CLINT1: variants seen among roughly 807,000 people sequenced by gnomAD.
The protein encoded by CLINT1 is clathrin interactor 1, also known as clathrin interacting protein localized in the trans-Golgi region.
In CLINT1, 15 loss-of-function variants were observed where a neutral mutation model predicts 70.4. That is an observed-to-expected ratio of 0.21 (90% CI 0.14 to 0.33). The LOEUF (loss-of-function observed/expected upper bound fraction) is 0.33. Ranked by LOEUF, CLINT1 falls within the 10% of genes least tolerant of loss-of-function variation. The pLI, the probability that CLINT1 is intolerant of heterozygous loss-of-function variation, is 1.00. For synonymous variants in CLINT1, 227 were observed against 254.7 expected, an observed-to-expected ratio of 0.89 and a Z score of 1.04; for missense variants, 615 against 778.1, an observed-to-expected ratio of 0.79 and a Z score of 2.49.
chr5:157,794,161 T>TA (rs1194544963), intron 9 of CLINT1, among the ~76,000 whole-genome samples: 6 of 152,160 alleles, frequency 3.9e-5, no homozygotes, highest in Admixed American at 3.3e-4. Context: ...TACATACCTC[T>TA]ATAGACACTA....
At chr5:157,815,311 C>T (rs1166462027) in intron 3 of CLINT1, among the ~76,000 whole-genome samples, 2 of 152,002 alleles carry the variant, frequency 1.3e-5, no homozygotes, top group Non-Finnish European at 2.9e-5. Context: ...AACAAACAAA[C>T]AACAACCAAC....
chr5:157,835,254 C>T (rs897893007), intron 1 of CLINT1, among the ~76,000 whole-genome samples: 4 of 152,050 alleles, frequency 2.6e-5, no homozygotes, highest in African/African-American at 7.2e-5. Context: ...GAAAAAAATG[C>T]GTGTGAGATA....
At chr5:157,818,465 T>C (rs143409432) in intron 1 of CLINT1, among the ~76,000 whole-genome samples, 2,865 of 121,542 alleles carry the variant, frequency 0.024, 104 homozygotes, top group African/African-American at 0.083. Context: ...AGACCTGGTC[T>C]CTAAAAAAAA....
intron 1 of CLINT1, among the ~76,000 whole-genome samples, chr5:157,857,809 C>CT (rs1212452110): frequency 1.3e-5 from 2 of 152,192 alleles, no homozygotes; most frequent in Admixed American, 6.5e-5. Flanking sequence ...TGGTCAAGCT[C>CT]TAAGTTCTAT....
At chr5:157,810,904 C>A (rs1762535684) in intron 5 of CLINT1, among the ~76,000 whole-genome samples, 1 of 152,024 alleles carries the variant, frequency 6.6e-6, no homozygotes, top group African/African-American at 2.4e-5. Context: ...TGCTGAATTG[C>A]CTCCTAAAAT....
intron 9 of CLINT1, among the ~76,000 whole-genome samples, chr5:157,793,496 A>G (rs1238548241): frequency 6.6e-6 from 1 of 152,190 alleles, no homozygotes; most frequent in Non-Finnish European, 1.5e-5. Flanking sequence ...CCCCTGCGTA[A>G]GGTGGTCAGG....
chr5:157,793,642 G>GT (rs1034195890), intron 9 of CLINT1, among the ~76,000 whole-genome samples: 2 of 152,060 alleles, frequency 1.3e-5, no homozygotes, highest in Non-Finnish European at 2.9e-5. Context: ...TAAAATAAGG[G>GT]TAACGTTTAC....
In CLINT1 at chr5:157,792,138, T is replaced by C. The variant is rs143091139; in HGVS notation, c.1088-143A>G. On this transcript the variant is annotated intron_variant, in intron 9 of 11. Coordinates refer to ENST00000411809, the MANE Select transcript of CLINT1 (RefSeq NM_014666.4). ...GGTACCATCTCCATCTGGACAGTAT[T>C]CTTTCTCATAAATATTACACGAGAG... The C allele has an allele frequency of 2.8e-5, 19 of 679,806 alleles. No homozygotes were observed. The East Asian group carries it at 4.3e-4, about 15-fold the overall frequency. The allele number at this position is 679,806 out of a possible 1,614,324, so 42.1% of individuals were successfully genotyped here. A position where few individuals can be genotyped will look rare whatever the true frequency, so the allele number is the denominator to read the frequency against.
At chr5:157,840,638 A>G (rs1163537440) in intron 1 of CLINT1, among the ~76,000 whole-genome samples, 1 of 151,780 alleles carries the variant, frequency 6.6e-6, no homozygotes, top group Non-Finnish European at 1.5e-5. Flanking sequence ...GCGAATGACA[A>G]GCAAAGATGG....
At chr5:157,799,764 T>C (rs1046542723) in intron 8 of CLINT1, among the ~76,000 whole-genome samples, 1 of 152,078 alleles carries the variant, frequency 6.6e-6, no homozygotes, top group African/African-American at 2.4e-5. Context: ...GCAAACATCA[T>C]AGAGGGTACT....
chr5:157,825,522 A>G (rs529761770), intron 1 of CLINT1, among the ~76,000 whole-genome samples: 175 of 152,300 alleles, frequency 1.1e-3, no homozygotes, highest in Admixed American at 1.8e-3. Context: ...CTGGATACTC[A>G]AAGATCAAGT....
chr5:157,815,882 T>TA (rs1245112922), intron 3 of CLINT1, among the ~76,000 whole-genome samples: 2 of 152,134 alleles, frequency 1.3e-5, no homozygotes, highest in Non-Finnish European at 2.9e-5. Context: ...ACAGAACAAA[T>TA]AGAGTATTAT....
chr5:157,858,978 C>G lies in CLINT1; in HGVS notation c.-8G>C. On this transcript the variant is annotated 5_prime_UTR_variant, in exon 1 of 12. Transcript: ENST00000411809. Reference sequence around the variant, plus strand: ...CTTCCACATGTTCAACATCGTGCCCCGCGCGGGACGGTCCGCCGCCTCCCT... The same window carrying G: ...CTTCCACATGTTCAACATCGTGCCCGGCGCGGGACGGTCCGCCGCCTCCCT... 1.9e-6 allele frequency: 3 copies of G among 1,610,926 alleles called. No homozygotes were observed. Among genetic ancestry groups the G allele is most frequent in the Non-Finnish European group, 1.7e-6 (2 of 1,178,708 alleles).
At chr5:157,812,261 G>T (rs1025933615) in intron 5 of CLINT1, among the ~76,000 whole-genome samples, 1 of 152,102 alleles carries the variant, frequency 6.6e-6, no homozygotes, top group African/African-American at 2.4e-5. Flanking sequence ...TATGGGTGGG[G>T]GGAGCTGGAG....
In CLINT1 at chr5:157,787,576, T is replaced by A. The variant is rs1195742983; in HGVS notation, c.*70A>T. 4 of 1,249,968 alleles carry A rather than the reference T, an allele frequency of 3.2e-6. No homozygotes were observed. The East Asian group carries it at 9.3e-5, about 29-fold the overall frequency. The allele number at this position is 1,249,968 out of a possible 1,614,324, so 77.4% of individuals were successfully genotyped here. A position where few individuals can be genotyped will look rare whatever the true frequency, so the allele number is the denominator to read the frequency against. ...TAAAAGAAAGGGTAGTTGATTAGCATTTTCCATCCCAACATCACCTATCTG... is the reference window on the plus strand; with the variant it reads ...TAAAAGAAAGGGTAGTTGATTAGCAATTTCCATCCCAACATCACCTATCTG... On this transcript the variant is annotated 3_prime_UTR_variant, in exon 12 of 12. Transcript: ENST00000411809.
At chr5:157,788,156 T>C in intron 11 of CLINT1, 164 bp from the exon 12 acceptor site, 1 of 674,922 alleles carries the variant, frequency 1.5e-6, no homozygotes, top group Non-Finnish European at 2.6e-6. Context: ...CTGGTTCCTC[T>C]TGAGACATAT....
chr5:157,830,718 C>T (rs1763194155), intron 1 of CLINT1, among the ~76,000 whole-genome samples: 2 of 151,250 alleles, frequency 1.3e-5, no homozygotes, highest in Admixed American at 6.6e-5. Context: ...TCTACACACA[C>T]ACTCCCCCTC....
chr5:157,802,089 T>G (rs1762241702), intron 8 of CLINT1, among the ~76,000 whole-genome samples: 1 of 152,070 alleles, frequency 6.6e-6, no homozygotes, highest in Non-Finnish European at 1.5e-5. Flanking sequence ...GAGACAGGGT[T>G]TCACCATGTT....
intron 1 of CLINT1, among the ~76,000 whole-genome samples, chr5:157,849,723 A>T (rs1753505510): frequency 6.6e-6 from 1 of 152,250 alleles, no homozygotes; most frequent in African/African-American, 2.4e-5. Context: ...AAAATTGAAC[A>T]TAACAATGTT....
Sources: gnomAD v4.1 joint callset for allele counts (sites outside exome capture counted in the v4.1 genomes callset) on GRCh38, gnomAD v4.1.1 for gene constraint, MANE v1.5 for transcripts, NCBI Gene and HGNC (gene_info 2026-07-23, HGNC 2026-07-21) for gene names.